Variants in PCDH9 observed in about 807,000 individuals in gnomAD.
PCDH9 encodes protocadherin 9, also known as protocadherin-9.
Under a neutral mutation model 70.6 loss-of-function variants are expected in PCDH9, and 24 were observed. The ratio of observed to expected loss-of-function variants is 0.34; its 90% CI spans 0.25 to 0.48. The LOEUF is 0.48. Among genes scored for constraint, PCDH9 ranks in the 20% least tolerant of loss-of-function variants. The pLI is 0.99. For missense variants in PCDH9, 1,281 were observed against 1,503.6 expected (o/e 0.85, Z 2.45); for synonymous variants, 562 against 558.5 (o/e 1.01, Z -0.09).
chr13:66,338,585 T>A (rs879841318), intron 4 of PCDH9, among the ~76,000 whole-genome samples: 1 of 151,942 alleles, frequency 6.6e-6, no homozygotes, highest in South Asian at 2.1e-4. Flanking sequence ...TTACACTCAA[T>A]GGCAGATGAA....
chr13:67,022,106 CTTTTTTTTTTTTTTTTTTTT>C (rs71110623), intron 2 of PCDH9, among the ~76,000 whole-genome samples: 5 of 35,368 alleles, frequency 1.4e-4, no homozygotes, highest in Admixed American at 4.8e-4. Context: ...AGGTGATGTT[CTTTTTTTTTTTTTTTTTTTT>C]TTTTTTTTTT....
intron 3 of PCDH9, among the ~76,000 whole-genome samples, chr13:66,644,346 C>T (rs886690000): frequency 6.6e-6 from 1 of 151,370 alleles, no homozygotes; most frequent in Non-Finnish European, 1.5e-5. Flanking sequence ...AATGTTAAAT[C>T]GTAGGGAAAA....
chr13:67,007,868 T>C (rs1332840595), intron 2 of PCDH9, among the ~76,000 whole-genome samples: 2 of 152,124 alleles, frequency 1.3e-5, no homozygotes, highest in African/African-American at 2.4e-5. Flanking sequence ...CAACTTTACC[T>C]CATGAAAAAC....
At chr13:66,883,365 ATG>A (rs140876286) in intron 3 of PCDH9, among the ~76,000 whole-genome samples, 4 of 151,402 alleles carry the variant, frequency 2.6e-5, no homozygotes, top group Non-Finnish European at 4.4e-5. Flanking sequence ...ATCAGCACTA[ATG>A]TGTGTGTGTG....
intron 2 of PCDH9, among the ~76,000 whole-genome samples, chr13:66,937,573 G>C (rs556382730): frequency 2.0e-5 from 3 of 152,170 alleles, no homozygotes; most frequent in Non-Finnish European, 2.9e-5. Context: ...GTAGTACTCC[G>C]TACTTCCATA....
chr13:66,709,692 ATGTT>A (rs1300540194), intron 3 of PCDH9, among the ~76,000 whole-genome samples: 2 of 152,222 alleles, frequency 1.3e-5, no homozygotes, highest in African/African-American at 4.8e-5. Context: ...TAAAATAAAT[ATGTT>A]TGTAACATGG....
At chr13:66,634,984 C>T (rs1348510261) in intron 3 of PCDH9, among the ~76,000 whole-genome samples, 1 of 152,122 alleles carries the variant, frequency 6.6e-6, no homozygotes, top group Non-Finnish European at 1.5e-5. Context: ...AAGAGTTGCC[C>T]ATTATCCTTC....
At chr13:66,385,092 A>G (rs914041234) in intron 4 of PCDH9, among the ~76,000 whole-genome samples, 1 of 152,010 alleles carries the variant, frequency 6.6e-6, no homozygotes, top group Non-Finnish European at 1.5e-5. Flanking sequence ...AAGATTTCAT[A>G]TATAGGGAGA....
intron 2 of PCDH9, among the ~76,000 whole-genome samples, chr13:67,151,654 A>G (rs2087664584): frequency 6.6e-6 from 1 of 152,076 alleles, no homozygotes. Context: ...TATCCCTTCT[A>G]CAAGCTGGCA....
At chr13:66,660,774 T>A (rs2077997685) in intron 3 of PCDH9, among the ~76,000 whole-genome samples, 2 of 152,072 alleles carry the variant, frequency 1.3e-5, no homozygotes, top group Admixed American at 6.6e-5. Context: ...ATATCATATT[T>A]AACAATTTGA....
intron 4 of PCDH9, among the ~76,000 whole-genome samples, chr13:66,529,116 T>C (rs75857427): frequency 0.097 from 14,701 of 152,052 alleles, 885 homozygotes; most frequent in Middle Eastern, 0.13. Flanking sequence ...ACATTTTACA[T>C]GAAAAATGAA....
At chr13:67,108,906 C>A (rs761792618) in intron 2 of PCDH9, among the ~76,000 whole-genome samples, 19 of 152,006 alleles carry the variant, frequency 1.2e-4, no homozygotes, top group Non-Finnish European at 2.4e-4. Flanking sequence ...ATTAATTAGG[C>A]CACCAAAATA....
chr13:66,978,856 A>G (rs1296809980), intron 2 of PCDH9, among the ~76,000 whole-genome samples: 1 of 150,932 alleles, frequency 6.6e-6, no homozygotes, highest in African/African-American at 2.4e-5. Flanking sequence ...ATATATGTAT[A>G]TTTATATATG....
chr13:67,115,716 T>C lies in PCDH9; in HGVS notation c.3036+109689A>G, dbSNP rs538949428. 6.0e-5 allele frequency among the ~76,000 whole-genome samples: 9 copies of C among 150,164 alleles called. No homozygotes were observed. The South Asian group carries it at 1.9e-3, about 31-fold the overall frequency. On this transcript the variant is annotated intron_variant, in intron 2 of 4. Transcript: ENST00000377865. ...GTTTTACCAGTTGTTTATCCATTTG[T>C]AAATTTGTTTTGGCATTCCTTATCT...
chr13:66,543,898 G>A (rs934177852), intron 4 of PCDH9, among the ~76,000 whole-genome samples: 4 of 152,064 alleles, frequency 2.6e-5, no homozygotes, highest in Non-Finnish European at 5.9e-5. Context: ...TGAACTTAAC[G>A]GGGACACAGC....
At chr13:66,378,573 G>A (rs1209960749) in intron 4 of PCDH9, among the ~76,000 whole-genome samples, 2 of 152,178 alleles carry the variant, frequency 1.3e-5, no homozygotes, top group African/African-American at 2.4e-5. Flanking sequence ...ACCTATGATT[G>A]TAGAATGATT....
intron 2 of PCDH9, among the ~76,000 whole-genome samples, chr13:67,066,580 T>A (rs1433135497): frequency 6.6e-6 from 1 of 152,148 alleles, no homozygotes; most frequent in Non-Finnish European, 1.5e-5. Flanking sequence ...AATGCATGGT[T>A]CAATTTAAGC....
At chr13:66,927,258 G>C (rs1411737688) in intron 2 of PCDH9, among the ~76,000 whole-genome samples, 1 of 151,890 alleles carries the variant, frequency 6.6e-6, no homozygotes, top group Non-Finnish European at 1.5e-5. Flanking sequence ...GACATAGGTG[G>C]AGCTGGAGGC....
chr13:66,394,507 C>CATAACT (rs1383185889), intron 4 of PCDH9, among the ~76,000 whole-genome samples: 1 of 152,116 alleles, frequency 6.6e-6, no homozygotes, highest in Admixed American at 6.5e-5. Context: ...AAATCTACAA[C>CATAACT]ATAACTATGT....
Sources: gnomAD v4.1 joint callset for allele counts (sites outside exome capture counted in the v4.1 genomes callset) on GRCh38, gnomAD v4.1.1 for gene constraint, MANE v1.5 for transcripts, NCBI Gene and HGNC (gene_info 2026-07-23, HGNC 2026-07-21) for gene names.